FRMD4A: variants seen among roughly 807,000 people sequenced by gnomAD.
FRMD4A encodes FERM domain containing 4A.
A neutral mutation model predicts 129.1 loss-of-function variants in FRMD4A; 29 were observed. That is an observed-to-expected ratio of 0.22 (90% confidence interval 0.17 to 0.31). The LOEUF (loss-of-function observed/expected upper bound fraction) is 0.31, where lower values mean the gene tolerates loss of function less well. FRMD4A is among the 10% of genes least tolerant of loss of function. The pLI is 1.00. For synonymous variants in FRMD4A, 634 were observed against 571.6 expected (o/e 1.11, Z -1.56); for missense variants, 1,272 against 1,375.8 (o/e 0.92, Z 1.19).
chr10:14,317,865 T>G (rs975855528), intron 2 of FRMD4A, among the ~76,000 whole-genome samples: 16 of 151,624 alleles, frequency 1.1e-4, no homozygotes, highest in African/African-American at 3.9e-4. Flanking sequence ...GCCAAATAAC[T>G]AACTGTCCTG....
chr10:14,080,369 C>T (rs145663949), intron 2 of FRMD4A, among the ~76,000 whole-genome samples: 70 of 152,222 alleles, frequency 4.6e-4, no homozygotes, highest in African/African-American at 1.6e-3. Flanking sequence ...GTTTTGCCTC[C>T]TATGACATTG....
intron 2 of FRMD4A, among the ~76,000 whole-genome samples, chr10:14,005,772 A>C (rs2095660037): frequency 6.6e-6 from 1 of 152,150 alleles, no homozygotes; most frequent in South Asian, 2.1e-4. Context: ...TTGACTGTAT[A>C]TTCCCATAAA....
chr10:13,848,527 C>T (rs1233013088), intron 3 of FRMD4A, among the ~76,000 whole-genome samples: 2 of 151,878 alleles, frequency 1.3e-5, no homozygotes, highest in South Asian at 2.1e-4. Flanking sequence ...CAACTGGCAG[C>T]GTGGACCCAT....
intron 12 of FRMD4A, among the ~76,000 whole-genome samples, chr10:13,729,756 A>T (rs1175206660): frequency 6.6e-6 from 1 of 152,194 alleles, no homozygotes; most frequent in Non-Finnish European, 1.5e-5. Flanking sequence ...ATCTAAGTGT[A>T]CATAAAAGCC....
intron 2 of FRMD4A, among the ~76,000 whole-genome samples, chr10:14,220,803 TG>T (rs1843226740): frequency 0.017 from 702 of 41,918 alleles, 18 homozygotes; most frequent in Admixed American, 0.15. Context: ...TGTGTGTGTG[TG>T]TGTGTGTTTG....
chr10:13,978,331 A>G (rs2095549163), intron 2 of FRMD4A, among the ~76,000 whole-genome samples: 1 of 152,174 alleles, frequency 6.6e-6, no homozygotes, highest in Admixed American at 6.5e-5. Flanking sequence ...AGCAGATGGA[A>G]TCTGGGGAAA....
At chr10:14,258,981 A>G (rs368540971) in intron 2 of FRMD4A, among the ~76,000 whole-genome samples, 3 of 152,324 alleles carry the variant, frequency 2.0e-5, no homozygotes, top group South Asian at 4.1e-4. Context: ...AAATCAGATC[A>G]GCAGTTACTG....
chr10:13,663,497 G>A lies in FRMD4A; in HGVS notation c.1616C>T (p.Ala539Val). Residue 539 changes from alanine (A) to valine (V), a missense_variant, in exon 19 of 25, where the codon GCC (alanine) becomes GTC (valine). Ala to Val is a moderately conservative substitution (Grantham distance 64). Around this residue, in one of 2 missense-constraint regions of FRMD4A, gnomAD observed 972 missense variants for 892.3 expected, o/e 1.09. Transcript: ENST00000357447. ...ASLIIDDGNI[A>V]SEDSSLSDAL... ...ATCTGAGAGGGAGCTGTCTTCACTG[G>A]CAATGTTTCCATCTGAGAAGACAAA... The A allele has an allele frequency of 6.5e-7, 1 of 1,543,482 alleles. No individual in the cohort carries two copies. The highest frequency in any genetic ancestry group is 9.0e-7 in the Non-Finnish European group (1 of 1,115,380).
intron 2 of FRMD4A, among the ~76,000 whole-genome samples, chr10:14,211,724 G>GT (rs1842938932): frequency 6.6e-6 from 1 of 152,162 alleles, no homozygotes. Flanking sequence ...GTATTTCAAC[G>GT]TTCCAAAGTC....
chr10:14,257,048 G>A (rs1030612862), intron 2 of FRMD4A, among the ~76,000 whole-genome samples: 9 of 152,122 alleles, frequency 5.9e-5, no homozygotes, highest in African/African-American at 1.9e-4. Flanking sequence ...TAATTAACTG[G>A]CTGGGTGTAG....
At chr10:14,287,975 A>C (rs1240861015) in intron 2 of FRMD4A, among the ~76,000 whole-genome samples, 4 of 152,148 alleles carry the variant, frequency 2.6e-5, no homozygotes, top group African/African-American at 9.7e-5. Context: ...CTAGACTCCC[A>C]CCAAGAAACA....
intron 2 of FRMD4A, among the ~76,000 whole-genome samples, chr10:14,113,015 AG>A (rs1454849461): frequency 3.3e-5 from 5 of 152,284 alleles, no homozygotes; most frequent in Non-Finnish European, 7.4e-5. Flanking sequence ...CTGGAGGAGA[AG>A]GAGCTTGGGG....
intron 2 of FRMD4A, among the ~76,000 whole-genome samples, chr10:14,243,012 A>G (rs1422631107): frequency 6.6e-6 from 1 of 151,842 alleles, no homozygotes; most frequent in Non-Finnish European, 1.5e-5. Flanking sequence ...ATGAATGGAT[A>G]AATAAAATAT....
In FRMD4A at chr10:13,646,438, T is replaced by A. The variant is rs2081121286; in HGVS notation, c.*600A>T. 6.6e-6 allele frequency: 1 copy of A among 152,536 alleles called. No individual in the cohort carries two copies. The highest frequency in any genetic ancestry group is 2.4e-5 in the African/African-American group (1 of 41,466). The allele number at this position is 152,536 out of a possible 1,614,324, so 9.4% of individuals were successfully genotyped here. A position where few individuals can be genotyped will look rare whatever the true frequency, so the allele number is the denominator to read the frequency against. On this transcript the variant is annotated 3_prime_UTR_variant, in exon 25 of 25. Coordinates refer to ENST00000357447, the MANE Select transcript of FRMD4A (RefSeq NM_018027.5). ...TTCCCCCATAGCCATCCCCACAAGC[T>A]GTCCCATCAAGGAATATTTCAGGTG...
rs17154460 is a variant in FRMD4A, at chr10:14,026,801, C to G, written c.46-167889G>C. 8.2e-3 allele frequency among the ~76,000 whole-genome samples: 1,254 copies of G among 152,360 alleles called. 55 individuals are homozygous for G. The East Asian group carries it at 0.1, about 13-fold the overall frequency. On this transcript the variant is annotated intron_variant, in intron 2 of 24. Transcript: ENST00000357447. ...GTCCTCAAAAAGCCAAGTGCCTTCTCTCACCAAGCAAGACAGCCTGATGCC... is the reference window on the plus strand; with the variant it reads ...GTCCTCAAAAAGCCAAGTGCCTTCTGTCACCAAGCAAGACAGCCTGATGCC...
intron 2 of FRMD4A, among the ~76,000 whole-genome samples, chr10:14,282,974 T>C (rs1288704717): frequency 6.6e-6 from 1 of 152,226 alleles, no homozygotes; most frequent in African/African-American, 2.4e-5. Flanking sequence ...ATTTGCCATA[T>C]TATTAAAGTG....
At chr10:13,960,548 T>A (rs1266976054) in intron 2 of FRMD4A, among the ~76,000 whole-genome samples, 1 of 152,198 alleles carries the variant, frequency 6.6e-6, no homozygotes, top group East Asian at 1.9e-4. Flanking sequence ...ATAAGGCTAT[T>A]GCCATTTTAT....
chr10:13,685,946 C>T (rs1388606863), intron 15 of FRMD4A, among the ~76,000 whole-genome samples: 3 of 152,008 alleles, frequency 2.0e-5, no homozygotes, highest in East Asian at 4.0e-4. Context: ...TCTTTATTTC[C>T]CCCAAAATAA....
chr10:13,888,540 C>G (rs752467444), intron 2 of FRMD4A, among the ~76,000 whole-genome samples: 2 of 152,162 alleles, frequency 1.3e-5, no homozygotes, highest in Non-Finnish European at 2.9e-5. Context: ...GGTAAGAGAA[C>G]TCCTGTTTTA....
Sources: gnomAD v4.1 joint callset for allele counts (sites outside exome capture counted in the v4.1 genomes callset) on GRCh38, gnomAD v4.1.1 for gene constraint, gnomAD v4.1.1 regional missense constraint, MANE v1.5 for transcripts, NCBI Gene and HGNC (gene_info 2026-07-23, HGNC 2026-07-21) for gene names.